DOCK4: variants seen among roughly 807,000 people sequenced by gnomAD.
The protein encoded by DOCK4 is dedicator of cytokinesis 4, also known as dedicator of cytokinesis protein 4.
DOCK4 carries 97 observed loss-of-function variants against 268.1 expected under a neutral mutation model. The ratio of observed to expected loss-of-function variants is 0.36; its 90% confidence interval spans 0.31 to 0.43. The LOEUF (loss-of-function observed/expected upper bound fraction) is 0.43. Ranked by LOEUF, DOCK4 falls within the 20% of genes least tolerant of loss-of-function variation. The pLI is 1.00. For missense variants in DOCK4, 2,145 were observed against 2,455.7 expected (o/e 0.87, Z 2.67); for synonymous variants, 954 against 887.2 (o/e 1.08, Z -1.34).
rs1022670418 is a variant in DOCK4 at position 111,740,224 on chromosome 7, C to T, written c.5041-747G>A. On this transcript the variant is annotated intron_variant, in intron 47 of 52. Coordinates refer to ENST00000428084, the MANE Select transcript of DOCK4 (RefSeq NM_001363540.2). ...AAGCGATTCTCCTGCCTCAGCCTCC[C>T]GAGTAGCTGGGATTACAGGCATGCG... 54 of 306,660 alleles carry T rather than the reference C, an allele frequency of 1.8e-4. 1 individual carries two copies. Among genetic ancestry groups the T allele is most frequent in the Non-Finnish European group, 3.0e-4 (46 of 152,104 alleles). 19.0% of individuals were successfully genotyped at this position (306,660 alleles called of 1,614,324 possible). A position where few individuals can be genotyped will look rare whatever the true frequency, so the allele number is the denominator to read the frequency against.
At position 111,834,678 on chromosome 7, in the gene DOCK4, A is replaced by C. The variant is rs988137144; in HGVS notation, c.2745T>G (p.Phe915Leu). The change falls in exon 26 of 53, where the codon TTT becomes TTG. Residue 915 changes from phenylalanine (F) to leucine (L), a missense_variant. Transcript: ENST00000428084. ...RFQFQDVTGEFVACLLSLLRQ... is the reference protein window; with the variant it reads ...RFQFQDVTGELVACLLSLLRQ... ...GTAATAGGGACAGGAGACAAGCAAC[A>C]AACTCCCCCTAAGTTAAAAAAAAAA... The C allele has an allele frequency of 6.5e-7, 1 of 1,533,952 alleles. No homozygotes were observed. The highest frequency in any genetic ancestry group is 2.1e-5 in the Admixed American group (1 of 46,914).
intron 13 of DOCK4, among the ~76,000 whole-genome samples, chr7:111,915,058 A>T (rs925693449): frequency 1.3e-5 from 2 of 152,172 alleles, no homozygotes; most frequent in Admixed American, 6.5e-5. Context: ...TTCTTATCCA[A>T]TTCATAAGTT....
rs935839180 is a variant in DOCK4, at chr7:112,152,465, C to T, written c.37+53637G>A. On this transcript the variant is annotated intron_variant, in intron 1 of 52. Coordinates refer to ENST00000428084, the MANE Select transcript of DOCK4 (RefSeq NM_001363540.2). ...ATGGGGTACAAGTCACAGAGTCCAA[C>T]AGGCAGGCAATGTGCACAGCAATTC... Among the ~76,000 whole-genome samples, 7 of 152,282 alleles carry T rather than the reference C, an allele frequency of 4.6e-5. No homozygotes were observed. The South Asian group carries it at 1.5e-3, about 32-fold the overall frequency.
chr7:111,954,888 T>G (rs1796339769), intron 8 of DOCK4, among the ~76,000 whole-genome samples: 1 of 152,092 alleles, frequency 6.6e-6, no homozygotes, highest in African/African-American at 2.4e-5. Flanking sequence ...GTGTACAATA[T>G]TCTCCTGGTG....
chr7:111,999,984 T>C (rs536980680), intron 3 of DOCK4, among the ~76,000 whole-genome samples: 16 of 152,228 alleles, frequency 1.1e-4, no homozygotes, highest in African/African-American at 3.1e-4. Flanking sequence ...TCAAGGATAA[T>C]GAATCTTAAT....
chr7:112,176,612 G>C (rs1398072974), intron 1 of DOCK4, among the ~76,000 whole-genome samples: 1 of 152,102 alleles, frequency 6.6e-6, no homozygotes, highest in East Asian at 1.9e-4. Context: ...AAAACCTATA[G>C]TTTGCACAAA....
chr7:111,759,622 C>T (rs1351527881), intron 40 of DOCK4, among the ~76,000 whole-genome samples: 1 of 152,082 alleles, frequency 6.6e-6, no homozygotes, highest in Non-Finnish European at 1.5e-5. Flanking sequence ...GCCTTTGTCT[C>T]TAACACCTAT....
chr7:111,934,337 C>T (rs941441034), intron 12 of DOCK4, among the ~76,000 whole-genome samples: 5 of 152,026 alleles, frequency 3.3e-5, no homozygotes, highest in Admixed American at 6.6e-5. Context: ...GTACCTCATA[C>T]GACTTATAGT....
At chr7:111,782,788 A>T (rs986036624) in intron 35 of DOCK4, 76 bp downstream of exon 35, 1 of 1,455,098 alleles carries the variant, frequency 6.9e-7, no homozygotes, top group Non-Finnish European at 9.6e-7. Flanking sequence ...GATTAAACAC[A>T]AACAAAACAT....
At chr7:112,174,109 A>G (rs904042051) in intron 1 of DOCK4, among the ~76,000 whole-genome samples, 6 of 151,750 alleles carry the variant, frequency 4.0e-5, no homozygotes, top group Non-Finnish European at 7.4e-5. Context: ...CCAGGTATGA[A>G]CCATTCCATC....
chr7:112,125,725 T>C (rs955355726), intron 1 of DOCK4, among the ~76,000 whole-genome samples: 1 of 152,194 alleles, frequency 6.6e-6, no homozygotes, highest in Admixed American at 6.5e-5. Context: ...AAAGCTTAAG[T>C]GAGACAGGTA....
chr7:111,791,930 C>T (rs1182160067), intron 30 of DOCK4, among the ~76,000 whole-genome samples: 1 of 152,034 alleles, frequency 6.6e-6, no homozygotes, highest in East Asian at 1.9e-4. Flanking sequence ...AATAGTGGTC[C>T]CCCCAAAAGA....
At chr7:111,789,993 A>G (rs1799418555) in intron 31 of DOCK4, among the ~76,000 whole-genome samples, 2 of 152,224 alleles carry the variant, frequency 1.3e-5, no homozygotes, top group African/African-American at 4.8e-5. Context: ...CCTCTGTAAG[A>G]ATTTCCACAG....
intron 1 of DOCK4, among the ~76,000 whole-genome samples, chr7:112,075,632 AC>A (rs1807993929): frequency 1.3e-5 from 2 of 152,220 alleles, no homozygotes; most frequent in South Asian, 4.1e-4. Context: ...TATCTCAAAA[AC>A]TGATACGACA....
At chr7:111,908,268 G>A (rs1196806727) in intron 13 of DOCK4, among the ~76,000 whole-genome samples, 4 of 151,484 alleles carry the variant, frequency 2.6e-5, no homozygotes, top group Non-Finnish European at 5.9e-5. Context: ...CTAACACGGT[G>A]AAACCCCATC....
intron 1 of DOCK4, among the ~76,000 whole-genome samples, chr7:112,113,875 T>G (rs1004866112): frequency 6.7e-6 from 1 of 149,778 alleles, no homozygotes; most frequent in African/African-American, 2.4e-5. Flanking sequence ...AATACAGGCA[T>G]GAGCCACCAT....
chr7:111,902,483 T>C (rs768095119), intron 13 of DOCK4, among the ~76,000 whole-genome samples: 21 of 152,194 alleles, frequency 1.4e-4, no homozygotes, highest in Non-Finnish European at 2.8e-4. Context: ...CTTGAGTTTT[T>C]AAAAATCTCA....
At chr7:112,082,412 G>T (rs1380012164) in intron 1 of DOCK4, among the ~76,000 whole-genome samples, 1 of 152,108 alleles carries the variant, frequency 6.6e-6, no homozygotes, top group African/African-American at 2.4e-5. Context: ...AAGGAAGAAT[G>T]GCTAGAAATA....
chr7:111,792,592 A>C (rs1448205448), intron 30 of DOCK4, among the ~76,000 whole-genome samples: 1 of 152,138 alleles, frequency 6.6e-6, no homozygotes, highest in Admixed American at 6.5e-5. Context: ...CATGTTGCCC[A>C]GGCTGGTCTT....
Sources: gnomAD v4.1 joint callset for allele counts (sites outside exome capture counted in the v4.1 genomes callset) on GRCh38, gnomAD v4.1.1 for gene constraint, MANE v1.5 for transcripts, NCBI Gene and HGNC (gene_info 2026-07-23, HGNC 2026-07-21) for gene names.